Variants in CTNNA2 observed in about 807,000 individuals in gnomAD.
CTNNA2 encodes the protein catenin alpha 2.
In CTNNA2, 42 loss-of-function variants were observed where a neutral mutation model predicts 101.0. The ratio of observed to expected loss-of-function variants is 0.42; its 90% CI spans 0.32 to 0.54. The LOEUF (loss-of-function observed/expected upper bound fraction) is 0.54, where lower values mean the gene tolerates loss of function less well. Ranked by LOEUF, CTNNA2 falls within the 20% of genes least tolerant of loss-of-function variation. The pLI is 0.14. For synonymous variants in CTNNA2, 450 were observed against 456.4 expected (o/e 0.99, Z 0.18); for missense variants, 871 against 1,223.1 (o/e 0.71, Z 4.29).
intron 12 of CTNNA2, chr2:80,573,076 T>C (rs1694745133): frequency 6.6e-6 from 1 of 152,206 alleles, no homozygotes; most frequent in South Asian, 2.1e-4. Flanking sequence ...AAAGTGAGTA[T>C]AAAGAGGAAT....
At chr2:80,598,161 A>G (rs1038821041) in intron 15 of CTNNA2, among the ~76,000 whole-genome samples, 5 of 152,188 alleles carry the variant, frequency 3.3e-5, no homozygotes, top group Admixed American at 1.3e-4. Context: ...TTGCAGGGAC[A>G]TGGATGAAGC....
At chr2:79,898,282 C>T (rs1215313402) in intron 6 of CTNNA2, among the ~76,000 whole-genome samples, 1 of 151,832 alleles carries the variant, frequency 6.6e-6, no homozygotes, top group Non-Finnish European at 1.5e-5. Context: ...TATAGGTGCC[C>T]GCCACCATGC....
chr2:80,004,581 G>T (rs1693194133), intron 7 of CTNNA2, among the ~76,000 whole-genome samples: 1 of 152,178 alleles, frequency 6.6e-6, no homozygotes, highest in Admixed American at 6.5e-5. Flanking sequence ...TCATCTTTAT[G>T]TTAGAGAGGA....
At chr2:79,320,207 C>G (rs908980244) in intron 3 of CTNNA2, among the ~76,000 whole-genome samples, 12 of 151,548 alleles carry the variant, frequency 7.9e-5, no homozygotes, top group African/African-American at 2.7e-4. Context: ...CCATCTCAAG[C>G]ATCTTTGCGG....
chr2:80,196,877 T>C (rs1706873089), intron 7 of CTNNA2, among the ~76,000 whole-genome samples: 1 of 152,228 alleles, frequency 6.6e-6, no homozygotes, highest in South Asian at 2.1e-4. Context: ...AAACAGTTCT[T>C]TAATGTGATT....
intron 17 of CTNNA2, among the ~76,000 whole-genome samples, chr2:80,610,270 C>T (rs1390709026): frequency 6.6e-6 from 1 of 151,526 alleles, no homozygotes; most frequent in Admixed American, 6.6e-5. Context: ...TGCTCCTTCA[C>T]TGATGGCCAA....
At chr2:80,093,650 A>T in intron 7 of CTNNA2, among the ~76,000 whole-genome samples, 1 of 151,114 alleles carries the variant, frequency 6.6e-6, no homozygotes. Context: ...ATTTCTCCAC[A>T]TCCTCTCCAG....
At chr2:80,241,662 A>G (rs1342585801) in intron 7 of CTNNA2, among the ~76,000 whole-genome samples, 1 of 151,718 alleles carries the variant, frequency 6.6e-6, no homozygotes, top group Non-Finnish European at 1.5e-5. Context: ...CATAATTTCT[A>G]TTTTATAAGA....
intron 4 of CTNNA2, among the ~76,000 whole-genome samples, chr2:79,476,484 A>AT (rs1387069118): frequency 2.0e-5 from 3 of 152,110 alleles, no homozygotes; most frequent in Non-Finnish European, 2.9e-5. Flanking sequence ...AGTAGCAGTG[A>AT]TTTTTTCAGA....
Position 80,162,465 on chromosome 2 carries a change from G to T in CTNNA2, c.1057-230746G>T. ...AACATGTGTTAGTGTCGAGATGAGCGCCATTTTCCATCTCTGCTACTGTCT... is the reference window on the plus strand; with the variant it reads ...AACATGTGTTAGTGTCGAGATGAGCTCCATTTTCCATCTCTGCTACTGTCT... On this transcript the variant is annotated intron_variant, in intron 7 of 18. Coordinates refer to ENST00000402739, the MANE Select transcript of CTNNA2 (RefSeq NM_001282597.3). 1.9e-6 allele frequency: 3 copies of T among 1,596,806 alleles called. 1 individual carries two copies. The South Asian group carries it at 3.3e-5, about 18-fold the overall frequency.
At chr2:79,666,193 C>T (rs1682405651) in intron 2 of CTNNA2, among the ~76,000 whole-genome samples, 1 of 152,032 alleles carries the variant, frequency 6.6e-6, no homozygotes, top group African/African-American at 2.4e-5. Context: ...TTCATATGGG[C>T]TTCTTTCCCA....
intron 3 of CTNNA2, among the ~76,000 whole-genome samples, chr2:79,319,172 C>T (rs1388530813): frequency 1.3e-5 from 2 of 152,156 alleles, no homozygotes; most frequent in Non-Finnish European, 2.9e-5. Context: ...TTTTTCAAAA[C>T]CCATTATACA....
chr2:79,662,472 C>T (rs749531845), intron 2 of CTNNA2, among the ~76,000 whole-genome samples: 76 of 152,146 alleles, frequency 5.0e-4, no homozygotes, highest in Non-Finnish European at 8.1e-4. Flanking sequence ...TCAAAAATTT[C>T]AAGGGAAAGA....
rs186437372 is a variant in CTNNA2 at position 79,874,564 on chromosome 2, T to C, written c.852+222T>C. Among the ~76,000 whole-genome samples the C allele has an allele frequency of 1.2e-3, 178 of 152,298 alleles. 1 individual carries two copies. The highest frequency in any genetic ancestry group is 3.5e-3 in the South Asian group (17 of 4,818). ...CTGTGGCTGCGGTGGCTCACCCCTG[T>C]AATCCCAGAACTTTGGGAGGCCGAG... is the stretch of plus-strand genomic sequence containing the variant. On this transcript the variant is annotated intron_variant, in intron 6 of 18. Coordinates refer to ENST00000402739, the MANE Select transcript of CTNNA2 (RefSeq NM_001282597.3).
At chr2:79,219,298 A>G (rs1674309575) in intron 2 of CTNNA2, among the ~76,000 whole-genome samples, 1 of 152,198 alleles carries the variant, frequency 6.6e-6, no homozygotes, top group African/African-American at 2.4e-5. Flanking sequence ...CACTTTCTAA[A>G]GCCTCCACTC....
chr2:80,550,868 G>C (rs762392930), intron 11 of CTNNA2, among the ~76,000 whole-genome samples: 1 of 152,072 alleles, frequency 6.6e-6, no homozygotes, highest in Non-Finnish European at 1.5e-5. Flanking sequence ...GACTTTCTCC[G>C]GTGAATCAAT....
chr2:79,200,990 T>TG (rs1470149930), intron 2 of CTNNA2, among the ~76,000 whole-genome samples: 25 of 152,126 alleles, frequency 1.6e-4, no homozygotes, highest in Admixed American at 1.4e-3. Flanking sequence ...AACTACAATG[T>TG]GGGGCAACAG....
At position 79,895,102 on chromosome 2, in the gene CTNNA2, A is replaced by G. The variant is rs550671223; in HGVS notation, c.853-14492A>G. Among the ~76,000 whole-genome samples, 3 of 152,284 alleles carry G rather than the reference A, an allele frequency of 2.0e-5. No individual in the cohort carries two copies. The East Asian group carries it at 5.8e-4, about 29-fold the overall frequency. ...TCTCTTTTCCAGTGTTACACAGAAA[A>G]TCTATTATATATAATTTAAATGATC... is the stretch of plus-strand genomic sequence containing the variant. On this transcript the variant is annotated intron_variant, in intron 6 of 18. Coordinates refer to ENST00000402739, the MANE Select transcript of CTNNA2 (RefSeq NM_001282597.3).
intron 4 of CTNNA2, among the ~76,000 whole-genome samples, chr2:79,407,853 A>G (rs1404761929): frequency 6.6e-6 from 1 of 152,062 alleles, no homozygotes; most frequent in Non-Finnish European, 1.5e-5. Flanking sequence ...CTGGCCTAAC[A>G]AAAGTATGCC....
Sources: allele counts gnomAD v4.1 joint callset (sites outside exome capture counted in the v4.1 genomes callset), GRCh38; gene constraint gnomAD v4.1.1; transcripts MANE v1.5; gene names NCBI Gene and HGNC (gene_info 2026-07-23, HGNC 2026-07-21).